The following TOP3A variants were observed in gnomAD, a reference collection of about 807,000 sequenced individuals.
TOP3A encodes DNA topoisomerase III alpha.
TOP3A carries 64 observed loss-of-function variants against 111.3 expected under a neutral mutation model. That is an observed-to-expected ratio of 0.57 (90% CI 0.47 to 0.71). TOP3A has a LOEUF of 0.71. Among genes scored for constraint, TOP3A ranks in the 30% least tolerant of loss-of-function variants. The pLI is 0.00. For missense variants in TOP3A, 1,104 were observed against 1,285.0 expected, an observed-to-expected ratio of 0.86 and a Z score of 2.15; for synonymous variants, 484 against 485.1, an observed-to-expected ratio of 1.00 and a Z score of 0.03.
chr17:18,295,858 C>T (rs1980768448), intron 9 of TOP3A, among the ~76,000 whole-genome samples: 1 of 151,674 alleles, frequency 6.6e-6, no homozygotes, highest in South Asian at 2.1e-4. Context: ...GCTCTGCCTC[C>T]TGGGTTCACG....
intron 9 of TOP3A, among the ~76,000 whole-genome samples, chr17:18,298,174 C>A (rs1175006987): frequency 1.3e-5 from 2 of 150,224 alleles, no homozygotes; most frequent in African/African-American, 4.9e-5. Context: ...AAGTGAGGAG[C>A]CCCTCCGCCC....
chr17:18,282,570 C>A lies in TOP3A; in HGVS notation c.2021+128G>T, dbSNP rs956525601. The A allele has an allele frequency of 2.3e-6, 3 of 1,327,626 alleles. No individual in the cohort carries two copies. In the African/African-American group the frequency reaches 4.3e-5, roughly 19 times the overall value. The allele number at this position is 1,327,626 out of a possible 1,614,324, so 82.2% of individuals were successfully genotyped here. A position where few individuals can be genotyped will look rare whatever the true frequency, so the allele number is the denominator to read the frequency against. ...GCTATGCTTTTAGGCCAACACCTTG[C>A]CTGCAGGTTGGCAACAACAGGCCTG... On this transcript the variant is annotated intron_variant, in intron 16 of 18. Transcript: ENST00000321105.
chr17:18,274,832 G>A lies in TOP3A; in HGVS notation c.2976C>T (p.His992=), dbSNP rs768883264. Residue 992 remains histidine, a synonymous_variant, in exon 19 of 19, where the codon CAC becomes CAT. Transcript: ENST00000321105. ...RKCSLCHQPG[H]TRPFCPQNR is the part of the protein sequence containing the mutation. ...TGTTCTGAGGACAAAAGGGACGGGT[G>A]TGTCCAGGCTGGTGGCAAAGGCTGC... 1 of 1,614,230 alleles carries A rather than the reference G, an allele frequency of 6.2e-7. No individual in the cohort carries two copies. The highest frequency in any genetic ancestry group is 1.6e-4 in the Middle Eastern group (1 of 6,062).
intron 1 of TOP3A, chr17:18,313,545 T>C (rs923862878): frequency 5.2e-4 from 40 of 77,460 alleles, no homozygotes; most frequent in Admixed American, 2.9e-4. Flanking sequence ...AGGGTAAAAA[T>C]AGATAAATAC....
intron 5 of TOP3A, 146 bp from the exon 6 acceptor site, chr17:18,302,869 C>G (rs1981323943): frequency 2.3e-6 from 2 of 860,200 alleles, no homozygotes; most frequent in Non-Finnish European, 3.5e-6. Flanking sequence ...TAGGTTAAAT[C>G]AATGGTGTAC....
In TOP3A at chr17:18,274,998, G is replaced by A. The variant is rs766440443; in HGVS notation, c.2828-18C>T. ...AGAAGTCCCTGTCGGGAGAGTCAGG[G>A]GAGGGGTGAGGTTAGAACTGACATG... On this transcript the variant is annotated intron_variant, in intron 18 of 18. Coordinates refer to ENST00000321105, the MANE Select transcript of TOP3A (RefSeq NM_004618.5). 18 of 1,611,212 alleles carry A rather than the reference G, an allele frequency of 1.1e-5. No homozygotes were observed. Among genetic ancestry groups the A allele is most frequent in the Non-Finnish European group, 1.3e-5 (15 of 1,178,648 alleles).
Position 18,314,647 on chromosome 17 carries a change from G to A in TOP3A, c.132C>T (p.Asp44=), listed in dbSNP as rs1982138528. 1 of 1,613,374 alleles carries A rather than the reference G, an allele frequency of 6.2e-7. No individual in the cohort carries two copies. Among genetic ancestry groups the A allele is most frequent in the Non-Finnish European group, 8.5e-7 (1 of 1,179,680 alleles). The stretch of plus-strand genomic sequence containing the variant: ...GCAGGTCGGCGATCCCCTTGGCCGC[G>A]TCGTTTTTTTCGGCCACACAGAGGA... ...RKVLCVAEKN[D]AAKGIADLLS... The change falls in exon 1 of 19, where the codon GAC becomes GAT. Residue 44 remains aspartate (D), a synonymous_variant. Transcript: ENST00000321105.
At chr17:18,295,255 T>C (rs1980724795) in intron 9 of TOP3A, among the ~76,000 whole-genome samples, 1 of 151,646 alleles carries the variant, frequency 6.6e-6, no homozygotes, top group African/African-American at 2.4e-5. Context: ...TGGGTTCAAG[T>C]GATTCTCCTG....
At chr17:18,314,044 G>A (rs1297318424) in intron 1 of TOP3A, among the ~76,000 whole-genome samples, 1 of 152,098 alleles carries the variant, frequency 6.6e-6, no homozygotes, top group Non-Finnish European at 1.5e-5. Context: ...AGTTCATTCG[G>A]GTAGGAACAG....
chr17:18,290,415 T>C (rs1211470445), intron 13 of TOP3A, 142 bp downstream of exon 13: 8 of 1,034,152 alleles, frequency 7.7e-6, no homozygotes, highest in Non-Finnish European at 1.1e-5. Context: ...TCTTAACCTC[T>C]CTGAGCCTTA....
rs1032941567 is a variant in TOP3A, at chr17:18,278,009, C to T, written c.2493G>A (p.Arg831=). 12 of 1,614,026 alleles carry T rather than the reference C, an allele frequency of 7.4e-6. No homozygotes were observed. Among genetic ancestry groups the T allele is most frequent in the African/African-American group, 1.3e-5 (1 of 74,946 alleles). The part of the protein sequence containing the change: ...LLTVRKEGPN[R]GRQFFKCNGG... ...CGTTGCACTTAAAGAACTGCCGGCC[C>T]CGGTTGGGGCCCTCCTTACGGACAG... is the stretch of plus-strand genomic sequence containing the variant. Residue 831 remains arginine (R), a synonymous_variant, in exon 18 of 19, where the codon CGG becomes CGA. Transcript: ENST00000321105.
chr17:18,284,727 T>C (rs551660824), intron 15 of TOP3A, among the ~76,000 whole-genome samples: 6 of 152,234 alleles, frequency 3.9e-5, no homozygotes, highest in Admixed American at 3.9e-4. Context: ...TTTACTGATT[T>C]AAAAGACTTT....
At chr17:18,275,661 CT>C (rs1555567585) in intron 18 of TOP3A, among the ~76,000 whole-genome samples, 19 of 141,010 alleles carry the variant, frequency 1.3e-4, no homozygotes, top group Admixed American at 2.9e-4. Flanking sequence ...CGTGCCCGGC[CT>C]TTTTTTTTTG....
intron 13 of TOP3A, among the ~76,000 whole-genome samples, chr17:18,290,035 T>G (rs528650230): frequency 6.6e-6 from 1 of 152,214 alleles, no homozygotes; most frequent in Non-Finnish European, 1.5e-5. Context: ...AGCAGGGTCC[T>G]GGCACATACA....
intron 13 of TOP3A, among the ~76,000 whole-genome samples, chr17:18,287,224 C>G (rs1313496803): frequency 6.6e-6 from 1 of 152,036 alleles, no homozygotes; most frequent in Non-Finnish European, 1.5e-5. Context: ...ATAGCAAGAC[C>G]CTGTCCCTAC....
intron 3 of TOP3A, chr17:18,307,589 C>T (rs1402503389): frequency 1.3e-5 from 2 of 151,576 alleles, no homozygotes; most frequent in East Asian, 1.9e-4. Context: ...CAGAATAAAA[C>T]TCCGTCTCAA....
At chr17:18,296,980 C>T (rs187904410) in intron 9 of TOP3A, among the ~76,000 whole-genome samples, 21 of 152,186 alleles carry the variant, frequency 1.4e-4, no homozygotes, top group Admixed American at 1.2e-3. Context: ...GGTGGAAAAG[C>T]TACTCTAATT....
chr17:18,278,041 G>T lies in TOP3A; in HGVS notation c.2461C>A (p.Leu821Met). 6.2e-7 allele frequency: 1 copy of T among 1,614,214 alleles called. No homozygotes were observed. Among genetic ancestry groups the T allele is most frequent in the South Asian group, 1.1e-5 (1 of 91,090 alleles). Residue 821 changes from leucine (L) to methionine (M), a missense_variant, in exon 18 of 19, where the codon CTG becomes ATG. By Grantham distance (15) the Leu-to-Met change is conservative. Coordinates refer to ENST00000321105, the MANE Select transcript of TOP3A (RefSeq NM_004618.5). ...VTCNCGQEAV[L>M]LTVRKEGPNR... ...GGGCCCTCCTTACGGACAGTGAGCAGCACAGCCTCCTGGCCACAGTTGCAG... is the reference window on the plus strand; with the variant it reads ...GGGCCCTCCTTACGGACAGTGAGCATCACAGCCTCCTGGCCACAGTTGCAG...
Position 18,285,418 on chromosome 17 carries a change from C to G in TOP3A, c.1700G>C (p.Gly567Ala). ...CTGTCCTCCCTTACCTTCCACAAGT[C>G]CCATGCCCAGGTGCCCAGGGAGGAA... is the stretch of plus-strand genomic sequence containing the variant. ...KRFLPGHLGM[G>A]LVEGYDSMGY... is the part of the protein sequence containing the mutation. Residue 567 changes from glycine to alanine, a missense_variant, in exon 14 of 19, where the codon GGA (glycine) becomes GCA (alanine). By Grantham distance (60) the Gly-to-Ala change is moderately conservative. Coordinates refer to ENST00000321105, the MANE Select transcript of TOP3A (RefSeq NM_004618.5). 1 of 1,614,144 alleles carries G rather than the reference C, an allele frequency of 6.2e-7. No homozygotes were observed. The highest frequency in any genetic ancestry group is 8.5e-7 in the Non-Finnish European group (1 of 1,180,022).
Sources: gnomAD v4.1 joint callset for allele counts (sites outside exome capture counted in the v4.1 genomes callset) on GRCh38, gnomAD v4.1.1 for gene constraint, MANE v1.5 for transcripts, NCBI Gene and HGNC (gene_info 2026-07-23, HGNC 2026-07-21) for gene names.